MCOLN2: variants seen among roughly 807,000 people sequenced by gnomAD.
MCOLN2 encodes the protein mucolipin TRP cation channel 2.
MCOLN2 carries 57 observed loss-of-function variants against 67.5 expected under a neutral mutation model. The observed-to-expected ratio is 0.84, with a 90% CI of 0.68 to 1.05. The LOEUF is 1.05. MCOLN2 is among the 50% of genes least tolerant of loss of function. MCOLN2 has a pLI of 0.00. For synonymous variants in MCOLN2, 246 were observed against 233.3 expected, an observed-to-expected ratio of 1.05 and a Z score of -0.50; for missense variants, 620 against 678.8, an observed-to-expected ratio of 0.91 and a Z score of 0.96.
At chr1:84,982,765 C>T (rs914332887) in intron 1 of MCOLN2, among the ~76,000 whole-genome samples, 2 of 152,148 alleles carry the variant, frequency 1.3e-5, no homozygotes, top group African/African-American at 2.4e-5. Context: ...TACAGTGGTG[C>T]GATCTTGACT....
chr1:84,956,354 G>A, intron 4 of MCOLN2, 77 bp downstream of exon 4: 2 of 1,457,338 alleles, frequency 1.4e-6, no homozygotes, highest in East Asian at 2.3e-5. Context: ...TTTCCATCTG[G>A]GTTGCTAGCA....
chr1:84,988,643 C>T (rs1054392032), intron 1 of MCOLN2, among the ~76,000 whole-genome samples: 1 of 152,164 alleles, frequency 6.6e-6, no homozygotes, highest in Non-Finnish European at 1.5e-5. Flanking sequence ...ACTGTCATCT[C>T]TTACCCAACT....
chr1:84,976,658 G>A (rs1308542959), intron 1 of MCOLN2, among the ~76,000 whole-genome samples: 1 of 151,982 alleles, frequency 6.6e-6, no homozygotes, highest in Non-Finnish European at 1.5e-5. Context: ...CCCAGCTACT[G>A]GGGAGGCTGA....
chr1:84,950,951 A>G (rs925461158), intron 6 of MCOLN2, among the ~76,000 whole-genome samples: 1 of 152,204 alleles, frequency 6.6e-6, no homozygotes, highest in African/African-American at 2.4e-5. Flanking sequence ...TGAAAAGCCA[A>G]TATTTTTAAA....
At chr1:84,980,449 T>C (rs1378543210) in intron 1 of MCOLN2, among the ~76,000 whole-genome samples, 1 of 151,724 alleles carries the variant, frequency 6.6e-6, no homozygotes, top group Non-Finnish European at 1.5e-5. Flanking sequence ...CAGCATGGTA[T>C]TACACAGATA....
Position 84,987,516 on chromosome 1 carries a change from G to C in MCOLN2, c.77+9280C>G, listed in dbSNP as rs373046739. Among the ~76,000 whole-genome samples the C allele has an allele frequency of 1.4e-3, 13 of 9,512 alleles. 1 individual carries two copies. Among genetic ancestry groups the C allele is most frequent in the Non-Finnish European group, 2.5e-3 (11 of 4,436 alleles). The allele number at this position is 9,512 out of a possible 152,430, so 6.2% of individuals were successfully genotyped here. On this transcript the variant is annotated intron_variant, in intron 1 of 13. Coordinates refer to ENST00000370608, the MANE Select transcript of MCOLN2 (RefSeq NM_153259.4). ...TATGTATACATAGATGTATACATAT[G>C]TATATATGTATACATCTATGTATAC...
chr1:84,981,585 T>G (rs543218153), intron 1 of MCOLN2, among the ~76,000 whole-genome samples: 1 of 152,284 alleles, frequency 6.6e-6, no homozygotes, highest in South Asian at 2.1e-4. Flanking sequence ...TCTCACTTAT[T>G]TGTGTGATCT....
intron 4 of MCOLN2, among the ~76,000 whole-genome samples, chr1:84,953,716 G>A (rs1470968257): frequency 1.3e-5 from 2 of 150,904 alleles, no homozygotes; most frequent in African/African-American, 4.8e-5. Context: ...CAGATTATGA[G>A]CTGTAAATGA....
intron 1 of MCOLN2, among the ~76,000 whole-genome samples, chr1:84,987,159 A>C: frequency 6.8e-6 from 1 of 147,266 alleles, no homozygotes; most frequent in East Asian, 2.0e-4. Flanking sequence ...GATAAAGAAA[A>C]GGTGATATAT....
Position 84,996,777 on chromosome 1 carries a change from T to C in MCOLN2, c.77+19A>G. 1 of 1,609,448 alleles carries C rather than the reference T, an allele frequency of 6.2e-7. No homozygotes were observed. The highest frequency in any genetic ancestry group is 2.2e-5 in the East Asian group (1 of 44,850). On this transcript the variant is annotated intron_variant, in intron 1 of 13. Coordinates refer to ENST00000370608, the MANE Select transcript of MCOLN2 (RefSeq NM_153259.4). The stretch of plus-strand genomic sequence containing the variant: ...TTCTCCAGTCCAGCATCCTGAAAGA[T>C]GAAGCCCAGACTCCTCACCTGACGG...
chr1:84,933,319 T>C (rs1346592993), intron 11 of MCOLN2, among the ~76,000 whole-genome samples: 18 of 152,112 alleles, frequency 1.2e-4, no homozygotes, highest in Admixed American at 1.2e-3. Context: ...ACCAGCCACG[T>C]GGCTGGACCA....
At position 84,997,101 on chromosome 1, in the gene MCOLN2, G is replaced by A. The variant is rs1467402885; in HGVS notation, c.-229C>T. The A allele has an allele frequency of 2.3e-5, 13 of 565,876 alleles. No individual in the cohort carries two copies. The highest frequency in any genetic ancestry group is 3.8e-5 in the Non-Finnish European group (12 of 319,904). 35.1% of individuals were successfully genotyped at this position (565,876 alleles called of 1,614,324 possible). On this transcript the variant is annotated 5_prime_UTR_variant, in exon 1 of 14. Coordinates refer to ENST00000370608, the MANE Select transcript of MCOLN2 (RefSeq NM_153259.4). Reference sequence around the variant, plus strand: ...GCGGGCAGTTCTCGGGCGGCTGAAAGGCGGCTCTGTGTGCACCCTGCAGGA... The same window carrying A: ...GCGGGCAGTTCTCGGGCGGCTGAAAAGCGGCTCTGTGTGCACCCTGCAGGA...
intron 1 of MCOLN2, among the ~76,000 whole-genome samples, chr1:84,975,464 A>G (rs1172549791): frequency 6.6e-6 from 1 of 152,252 alleles, no homozygotes; most frequent in Non-Finnish European, 1.5e-5. Flanking sequence ...TAAGAACCAC[A>G]GCATTACTAG....
intron 7 of MCOLN2, among the ~76,000 whole-genome samples, chr1:84,946,150 T>G (rs111804418): frequency 6.4e-4 from 97 of 152,356 alleles, no homozygotes; most frequent in African/African-American, 2.3e-3. Flanking sequence ...CTGAAGGCCC[T>G]GATCCTTCCC....
In MCOLN2 at chr1:84,956,435, C is replaced by T. The variant is rs540077160; in HGVS notation, c.561G>A (p.Glu187=). 54 of 1,611,340 alleles carry T rather than the reference C, an allele frequency of 3.4e-5. No individual in the cohort carries two copies. In the South Asian group the frequency reaches 5.5e-4, roughly 17 times the overall value. ...NETLNIDNDV[E]LDCVQLDLQD... ...ATGAAATTATCACTGCATTACCGAGCTCAACGTCGTTGTCAATATTCAGTG... is the reference window on the plus strand; with the variant it reads ...ATGAAATTATCACTGCATTACCGAGTTCAACGTCGTTGTCAATATTCAGTG... The change falls in exon 4 of 14, where the codon GAG becomes GAA. Residue 187 remains glutamate (E), a synonymous_variant. Coordinates refer to ENST00000370608, the MANE Select transcript of MCOLN2 (RefSeq NM_153259.4).
chr1:84,987,106 C>G (rs1180237731), intron 1 of MCOLN2, among the ~76,000 whole-genome samples: 3 of 151,276 alleles, frequency 2.0e-5, no homozygotes, highest in Non-Finnish European at 2.9e-5. Context: ...TTTGTAACTG[C>G]AAAAATATAA....
intron 11 of MCOLN2, 144 bp from the exon 12 acceptor site, chr1:84,931,712 A>G (rs539529854): frequency 2.0e-4 from 140 of 704,272 alleles, no homozygotes; most frequent in African/African-American, 1.9e-3. Context: ...CACCATAAGA[A>G]GTAGGAAAAC....
intron 3 of MCOLN2, among the ~76,000 whole-genome samples, chr1:84,957,517 A>G (rs1015608600): frequency 1.3e-5 from 2 of 152,212 alleles, no homozygotes; most frequent in African/African-American, 2.4e-5. Flanking sequence ...AAACAACTCC[A>G]AGATTCTTTG....
intron 7 of MCOLN2, among the ~76,000 whole-genome samples, chr1:84,946,041 G>A (rs901542833): frequency 1.3e-5 from 2 of 152,190 alleles, no homozygotes; most frequent in Non-Finnish European, 2.9e-5. Context: ...GAGCCACTGT[G>A]CTCAGCAGTA....
Sources: gnomAD v4.1 joint callset for allele counts (sites outside exome capture counted in the v4.1 genomes callset) on GRCh38, gnomAD v4.1.1 for gene constraint, MANE v1.5 for transcripts, NCBI Gene and HGNC (gene_info 2026-07-23, HGNC 2026-07-21) for gene names.